The following PARD3B variants were observed in gnomAD, a reference collection of about 807,000 sequenced individuals.
The protein encoded by PARD3B is partitioning defective 3 homolog B.
A neutral mutation model predicts 130.2 loss-of-function variants in PARD3B; 103 were observed. That is an observed-to-expected ratio of 0.79 (90% CI 0.67 to 0.93). The LOEUF is 0.93. Among genes scored for constraint, PARD3B ranks in the 40% least tolerant of loss-of-function variants. The pLI is 0.00. For synonymous variants in PARD3B, 583 were observed against 553.2 expected (o/e 1.05, Z -0.76); for missense variants, 1,609 against 1,499.2 (o/e 1.07, Z -1.21).
intron 2 of PARD3B, among the ~76,000 whole-genome samples, chr2:204,817,614 G>C (rs1360300227): frequency 6.6e-6 from 1 of 152,118 alleles, no homozygotes; most frequent in Non-Finnish European, 1.5e-5. Flanking sequence ...ATAATACTCA[G>C]CTGCAGGGGA....
At chr2:205,095,975 G>A (rs1292175682) in intron 4 of PARD3B, among the ~76,000 whole-genome samples, 1 of 152,016 alleles carries the variant, frequency 6.6e-6, no homozygotes, top group Non-Finnish European at 1.5e-5. Flanking sequence ...ATAGAGAGAA[G>A]GTTTTGGTTT....
At chr2:205,083,869 AG>A (rs1229228603) in intron 4 of PARD3B, among the ~76,000 whole-genome samples, 2 of 152,098 alleles carry the variant, frequency 1.3e-5, no homozygotes, top group African/African-American at 4.8e-5. Flanking sequence ...TTCCATAATG[AG>A]CAACACATTG....
intron 2 of PARD3B, among the ~76,000 whole-genome samples, chr2:204,804,781 C>T (rs958523265): frequency 2.6e-5 from 4 of 152,042 alleles, no homozygotes; most frequent in Non-Finnish European, 5.9e-5. Flanking sequence ...TAATATCAAG[C>T]ATGTTCTCTG....
chr2:205,240,238 G>T (rs774790218), intron 15 of PARD3B, among the ~76,000 whole-genome samples: 1 of 152,056 alleles, frequency 6.6e-6, no homozygotes, highest in Non-Finnish European at 1.5e-5. Flanking sequence ...TTTAATATTG[G>T]CAACTACATC....
intron 1 of PARD3B, among the ~76,000 whole-genome samples, chr2:204,601,379 G>T (rs186214216): frequency 2.0e-5 from 3 of 152,024 alleles, no homozygotes; most frequent in Non-Finnish European, 4.4e-5. Context: ...CATCTTTGCA[G>T]TGGTTAGGTC....
intron 2 of PARD3B, among the ~76,000 whole-genome samples, chr2:204,883,715 A>G (rs974647312): frequency 3.3e-5 from 5 of 151,380 alleles, no homozygotes; most frequent in Non-Finnish European, 5.9e-5. Flanking sequence ...AAGTGCTGGG[A>G]TTACACACAT....
In PARD3B at chr2:204,965,907, A is replaced by G. The variant is rs138161686; in HGVS notation, c.394+584A>G. ...ATCAGTTTACAACTCCAAGAGAAATAACATGTCTGTTTTGGTGATACCTCC... is the reference window on the plus strand; with the variant it reads ...ATCAGTTTACAACTCCAAGAGAAATGACATGTCTGTTTTGGTGATACCTCC... On this transcript the variant is annotated intron_variant, in intron 3 of 22. Transcript: ENST00000406610. 5.0e-3 allele frequency among the ~76,000 whole-genome samples: 757 copies of G among 152,348 alleles called. 6 individuals are homozygous for G. Among genetic ancestry groups the G allele is most frequent in the African/African-American group, 0.017 (713 of 41,586 alleles).
chr2:204,897,783 C>T (rs2046693749), intron 2 of PARD3B, among the ~76,000 whole-genome samples: 1 of 151,902 alleles, frequency 6.6e-6, no homozygotes, highest in Non-Finnish European at 1.5e-5. Flanking sequence ...GAACATTGAT[C>T]ATTGCTTTCT....
chr2:205,382,048 A>C (rs965311721), intron 18 of PARD3B, among the ~76,000 whole-genome samples: 2 of 152,134 alleles, frequency 1.3e-5, no homozygotes, highest in Admixed American at 1.3e-4. Context: ...ACGATGGTAC[A>C]GAGGACCAAA....
At position 204,818,418 on chromosome 2, in the gene PARD3B, G is replaced by A. The variant is rs542947786; in HGVS notation, c.222+132136G>A. On this transcript the variant is annotated intron_variant, in intron 2 of 22. Coordinates refer to ENST00000406610, the MANE Select transcript of PARD3B (RefSeq NM_001302769.2). Reference sequence around the variant, plus strand: ...AAACTATTTGCTTCTTTCTAAAATAGGGGTTGTAGAATCATTGAGCTTGAT... The same window carrying A: ...AAACTATTTGCTTCTTTCTAAAATAAGGGTTGTAGAATCATTGAGCTTGAT... 3.3e-5 allele frequency among the ~76,000 whole-genome samples: 5 copies of A among 152,200 alleles called. No individual in the cohort carries two copies. The South Asian group carries it at 1.0e-3, about 32-fold the overall frequency.
intron 6 of PARD3B, among the ~76,000 whole-genome samples, chr2:205,114,104 G>A (rs1428497462): frequency 6.6e-6 from 1 of 152,008 alleles, no homozygotes; most frequent in Non-Finnish European, 1.5e-5. Flanking sequence ...ATATAATTTA[G>A]TCAATTAAAA....
At position 205,365,072 on chromosome 2, in the gene PARD3B, C is replaced by T. The variant is rs190749594; in HGVS notation, c.2631-35941C>T. 7.6e-3 allele frequency among the ~76,000 whole-genome samples: 1,161 copies of T among 151,926 alleles called. 12 individuals carry two copies. The highest frequency in any genetic ancestry group is 0.027 in the African/African-American group (1,105 of 41,416). On this transcript the variant is annotated intron_variant, in intron 18 of 22. Transcript: ENST00000406610. The stretch of plus-strand genomic sequence containing the variant: ...AAAATTAGCCAGGCATGGTGGCAGG[C>T]GCCTGTAATCCCAGCTACTTGGGAG...
intron 22 of PARD3B, among the ~76,000 whole-genome samples, chr2:205,574,545 C>G (rs527617690): frequency 1.3e-5 from 2 of 152,174 alleles, no homozygotes; most frequent in African/African-American, 4.8e-5. Flanking sequence ...AGATCTATAC[C>G]AACAGCGCTT....
At chr2:205,182,856 G>A (rs1350462527) in intron 13 of PARD3B, among the ~76,000 whole-genome samples, 1 of 152,092 alleles carries the variant, frequency 6.6e-6, no homozygotes, top group Non-Finnish European at 1.5e-5. Flanking sequence ...TGATGTAGAT[G>A]GGGAAAGGAA....
chr2:205,508,535 G>A (rs1435428092), intron 21 of PARD3B, among the ~76,000 whole-genome samples: 1 of 149,792 alleles, frequency 6.7e-6, no homozygotes, highest in Non-Finnish European at 1.5e-5. Flanking sequence ...TCATGCCACT[G>A]CATTCCAGCT....
At chr2:204,770,992 G>A (rs1006251739) in intron 2 of PARD3B, among the ~76,000 whole-genome samples, 1 of 152,050 alleles carries the variant, frequency 6.6e-6, no homozygotes, top group African/African-American at 2.4e-5. Context: ...TTCAATCAGA[G>A]CAGAATTGAA....
intron 1 of PARD3B, among the ~76,000 whole-genome samples, chr2:204,643,128 A>AG (rs937222552): frequency 7.0e-6 from 1 of 143,760 alleles, no homozygotes; most frequent in African/African-American, 2.5e-5. Context: ...AAAAAAAAAA[A>AG]AAAAAAAATG....
intron 21 of PARD3B, among the ~76,000 whole-genome samples, chr2:205,526,869 C>G (rs938488501): frequency 6.6e-6 from 1 of 152,014 alleles, no homozygotes; most frequent in Non-Finnish European, 1.5e-5. Context: ...GTAGAGGAGA[C>G]CAATCTTTAT....
intron 1 of PARD3B, among the ~76,000 whole-genome samples, chr2:204,578,649 A>C (rs1417281676): frequency 6.6e-6 from 1 of 152,028 alleles, no homozygotes; most frequent in Non-Finnish European, 1.5e-5. Flanking sequence ...CCCATCTCCA[A>C]TGATGCAAAA....
Sources: gnomAD v4.1 joint callset for allele counts (sites outside exome capture counted in the v4.1 genomes callset) on GRCh38, gnomAD v4.1.1 for gene constraint, MANE v1.5 for transcripts, NCBI Gene and HGNC (gene_info 2026-07-23, HGNC 2026-07-21) for gene names.